FER1L6: variants seen among roughly 807,000 people sequenced by gnomAD.
FER1L6 encodes fer-1 like family member 6, also known as fer-1-like protein 6.
A neutral mutation model predicts 219.2 loss-of-function variants in FER1L6; 177 were observed. The observed-to-expected ratio is 0.81, with a 90% CI of 0.71 to 0.91. The LOEUF is 0.91. Among genes scored for constraint, FER1L6 ranks in the 40% least tolerant of loss-of-function variants. The pLI is 0.00. For missense variants in FER1L6, 2,153 were observed against 2,259.9 expected, an observed-to-expected ratio of 0.95 and a Z score of 0.96; for synonymous variants, 768 against 824.3, an observed-to-expected ratio of 0.93 and a Z score of 1.17.
At chr8:124,085,985 A>G (rs1821771019) in intron 33 of FER1L6, among the ~76,000 whole-genome samples, 1 of 152,026 alleles carries the variant, frequency 6.6e-6, no homozygotes, top group Non-Finnish European at 1.5e-5. Flanking sequence ...CTCCTTTTAT[A>G]GTTCTTGTCT....
At chr8:123,921,648 C>T (rs937414321) in intron 1 of FER1L6, among the ~76,000 whole-genome samples, 2 of 151,404 alleles carry the variant, frequency 1.3e-5, no homozygotes, top group Non-Finnish European at 2.9e-5. Context: ...GAGTGTGTGC[C>T]GGGACAGCGG....
intron 1 of FER1L6, among the ~76,000 whole-genome samples, chr8:123,952,925 G>A (rs1388732897): frequency 6.6e-6 from 1 of 152,186 alleles, no homozygotes; most frequent in East Asian, 1.9e-4. Flanking sequence ...ATATCACCCT[G>A]TGAATTGGGT....
chr8:123,991,179 C>T (rs1407635163), intron 12 of FER1L6, among the ~76,000 whole-genome samples: 1 of 152,028 alleles, frequency 6.6e-6, no homozygotes, highest in Admixed American at 6.5e-5. Context: ...CTTAGGATTG[C>T]TTTGGCTATT....
At chr8:123,855,446 G>C (rs769244019) in intron 1 of FER1L6, among the ~76,000 whole-genome samples, 1 of 152,098 alleles carries the variant, frequency 6.6e-6, no homozygotes, top group Non-Finnish European at 1.5e-5. Flanking sequence ...GTGCCATGGA[G>C]GGCAGGCGTA....
intron 1 of FER1L6, among the ~76,000 whole-genome samples, chr8:123,872,007 G>C (rs922211677): frequency 2.6e-5 from 4 of 152,268 alleles, no homozygotes; most frequent in South Asian, 2.1e-4. Context: ...GGCTGTACAG[G>C]AAGTATAACA....
intron 34 of FER1L6, among the ~76,000 whole-genome samples, chr8:124,093,598 C>T (rs1822144911): frequency 6.6e-6 from 1 of 151,890 alleles, no homozygotes; most frequent in East Asian, 1.9e-4. Context: ...CTCTATTAAG[C>T]CAACTTAGTT....
At chr8:123,965,321 G>A (rs987341638) in intron 3 of FER1L6, among the ~76,000 whole-genome samples, 6 of 152,176 alleles carry the variant, frequency 3.9e-5, no homozygotes, top group African/African-American at 4.8e-5. Flanking sequence ...TAACCAAGGG[G>A]ATAAAATGCA....
chr8:123,973,302 G>C, intron 6 of FER1L6, 132 bp from the exon 7 acceptor site: 1 of 678,296 alleles, frequency 1.5e-6, no homozygotes, highest in Non-Finnish European at 2.7e-6. Context: ...GGGGCTTCTG[G>C]AGGTCCTTTA....
At chr8:123,915,459 A>T (rs1233744557) in intron 1 of FER1L6, among the ~76,000 whole-genome samples, 4 of 152,128 alleles carry the variant, frequency 2.6e-5, no homozygotes, top group Non-Finnish European at 5.9e-5. Context: ...ACATGGGTAC[A>T]CTGTGAGTTC....
intron 1 of FER1L6, among the ~76,000 whole-genome samples, chr8:123,859,064 A>G (rs1272633000): frequency 1.3e-5 from 2 of 152,006 alleles, no homozygotes; most frequent in African/African-American, 4.8e-5. Flanking sequence ...GCAGTGGCAC[A>G]TCTGGGCTCA....
intron 1 of FER1L6, among the ~76,000 whole-genome samples, chr8:123,930,948 C>A (rs1813740670): frequency 6.6e-6 from 1 of 152,116 alleles, no homozygotes; most frequent in Admixed American, 6.6e-5. Context: ...CCACCTCCAC[C>A]CCACTGGGGT....
chr8:123,945,483 T>A (rs1263487649), intron 1 of FER1L6, among the ~76,000 whole-genome samples: 1 of 152,244 alleles, frequency 6.6e-6, no homozygotes, highest in African/African-American at 2.4e-5. Context: ...TTCAAAGTTA[T>A]GTTTGATTTC....
chr8:124,109,950 A>G (rs529542356), intron 39 of FER1L6, among the ~76,000 whole-genome samples: 1 of 152,326 alleles, frequency 6.6e-6, no homozygotes, highest in South Asian at 2.1e-4. Context: ...ACACGTGACA[A>G]TAAAGCTACA....
chr8:124,020,233 C>T (rs1818400329), intron 16 of FER1L6, among the ~76,000 whole-genome samples: 2 of 152,180 alleles, frequency 1.3e-5, no homozygotes, highest in Non-Finnish European at 2.9e-5. Context: ...TGAGTCCTCC[C>T]CAGCCATGTA....
chr8:123,990,271 A>G (rs1013082646), intron 12 of FER1L6, among the ~76,000 whole-genome samples: 1 of 152,140 alleles, frequency 6.6e-6, no homozygotes, highest in Non-Finnish European at 1.5e-5. Context: ...TGCCTCAAAA[A>G]AACAAAATAA....
rs965601734 is a variant in FER1L6, at chr8:124,066,651, T to G, written c.3678+101T>G. On this transcript the variant is annotated intron_variant, in intron 27 of 40. Coordinates refer to ENST00000522917, the MANE Select transcript of FER1L6 (RefSeq NM_001039112.2). ...CATAACCTCCTTTTAAATGCCACTA[T>G]ACATAGACCCTACTCAGGTGTGGTT... 4 of 1,290,662 alleles carry G rather than the reference T, an allele frequency of 3.1e-6. No homozygotes were observed. The African/African-American group carries it at 5.9e-5, about 19-fold the overall frequency. The allele number at this position is 1,290,662 out of a possible 1,614,324, so 80.0% of individuals were successfully genotyped here.
intron 38 of FER1L6, 125 bp downstream of exon 38, chr8:124,101,463 G>A (rs1822546986): frequency 2.4e-6 from 2 of 833,700 alleles, no homozygotes; most frequent in African/African-American, 1.7e-5. Flanking sequence ...CAAAAACCTG[G>A]AAACATCCCA....
At chr8:123,870,866 T>C (rs1222853891) in intron 1 of FER1L6, among the ~76,000 whole-genome samples, 1 of 152,198 alleles carries the variant, frequency 6.6e-6, no homozygotes, top group Non-Finnish European at 1.5e-5. Context: ...GAAAATAATC[T>C]ACCTGTATTA....
At chr8:124,064,228 GA>G in intron 25 of FER1L6, 118 bp from the exon 26 acceptor site, 1 of 838,938 alleles carries the variant, frequency 1.2e-6, no homozygotes, top group Non-Finnish European at 2.0e-6. Flanking sequence ...ATGAGGTTCA[GA>G]AATATTAGCA....
Sources: allele counts gnomAD v4.1 joint callset (sites outside exome capture counted in the v4.1 genomes callset), GRCh38; gene constraint gnomAD v4.1.1; transcripts MANE v1.5; gene names NCBI Gene and HGNC (gene_info 2026-07-23, HGNC 2026-07-21).